AFG2A: variants seen among roughly 807,000 people sequenced by gnomAD.
AFG2A encodes AAA ATPase AFG2A.
chr4:123,017,414 A>ATTTTTTTTTTTTTTTTT, the AFG2A span, among the ~76,000 whole-genome samples: 8 of 74,718 alleles, frequency 1.1e-4, 1 homozygote, highest in African/African-American at 2.1e-4. Context: ...AGCATGGGAA[A>ATTTTTTTTTTTTTTTTT]TTTTTTTTTT....
At chr4:123,028,348 G>A in the AFG2A span, 1 of 1,614,132 alleles carries the variant, frequency 6.2e-7, no homozygotes, top group Middle Eastern at 1.6e-4. Context: ...AACAATGATA[G>A]CAAAGGCTTT....
the AFG2A span, among the ~76,000 whole-genome samples, chr4:123,230,818 T>A: frequency 2.0e-5 from 3 of 152,002 alleles, no homozygotes; most frequent in African/African-American, 7.2e-5. Context: ...TAACAAGGCT[T>A]GAAAACAACA....
At chr4:122,953,983 T>C in the AFG2A span, among the ~76,000 whole-genome samples, 8 of 152,208 alleles carry the variant, frequency 5.3e-5, no homozygotes, top group Non-Finnish European at 1.2e-4. Flanking sequence ...TGAAAAGCTC[T>C]TTGTTGGACC....
At chr4:122,986,220 A>G in the AFG2A span, among the ~76,000 whole-genome samples, 1 of 152,114 alleles carries the variant, frequency 6.6e-6, no homozygotes, top group Admixed American at 6.5e-5. Flanking sequence ...AGAAAGTTCC[A>G]TGTGCTGTTG....
the AFG2A span, among the ~76,000 whole-genome samples, chr4:123,156,786 A>G: frequency 1.2e-3 from 175 of 151,550 alleles, no homozygotes; most frequent in Non-Finnish European, 2.1e-3. Context: ...AGAAAAAAAA[A>G]GAAACTCCTG....
the AFG2A span, among the ~76,000 whole-genome samples, chr4:123,009,833 T>C: frequency 6.6e-6 from 1 of 152,224 alleles, no homozygotes; most frequent in East Asian, 1.9e-4. Context: ...CCTTTAATTA[T>C]CTAATTTAAA....
chr4:123,197,749 C>T, the AFG2A span, among the ~76,000 whole-genome samples: 14 of 150,768 alleles, frequency 9.3e-5, no homozygotes, highest in Middle Eastern at 3.4e-3. Flanking sequence ...GCCTGGGTGA[C>T]GGAGTAAGAC....
the AFG2A span, among the ~76,000 whole-genome samples, chr4:123,141,322 G>A: frequency 2.0e-5 from 3 of 152,132 alleles, no homozygotes; most frequent in East Asian, 3.9e-4. Context: ...AATTAGCCAG[G>A]CATGGTGGCG....
chr4:123,196,009 T>C, the AFG2A span, among the ~76,000 whole-genome samples: 1 of 140,468 alleles, frequency 7.1e-6, no homozygotes, highest in African/African-American at 3.1e-5. Context: ...CATCCTTGTT[T>C]TTTTTTTTTT....
At chr4:122,970,464 T>TA in the AFG2A span, among the ~76,000 whole-genome samples, 2,145 of 149,660 alleles carry the variant, frequency 0.014, 55 homozygotes, top group African/African-American at 0.049. Flanking sequence ...CTAGAAAAAG[T>TA]AAAAAAAAAA....
the AFG2A span, among the ~76,000 whole-genome samples, chr4:123,003,605 G>A: frequency 6.6e-6 from 1 of 152,286 alleles, no homozygotes; most frequent in African/African-American, 2.4e-5. Flanking sequence ...CAGCAGCGCT[G>A]TCTGCAGAAC....
the AFG2A span, among the ~76,000 whole-genome samples, chr4:123,251,304 A>G: frequency 6.6e-6 from 1 of 152,204 alleles, no homozygotes; most frequent in African/African-American, 2.4e-5. Flanking sequence ...CCCAGCAAGT[A>G]AATCAATCTG....
the AFG2A span, among the ~76,000 whole-genome samples, chr4:123,207,184 C>T: frequency 2.6e-5 from 4 of 151,958 alleles, no homozygotes; most frequent in East Asian, 5.8e-4. Flanking sequence ...ATCAGTTGTT[C>T]TACGTAAAAG....
At chr4:123,123,783 TAA>T in the AFG2A span, among the ~76,000 whole-genome samples, 1 of 142,964 alleles carries the variant, frequency 7.0e-6, no homozygotes. Context: ...CCGTCTCTAC[TAA>T]AAAAAAAAAT....
the AFG2A span, among the ~76,000 whole-genome samples, chr4:123,285,564 T>C: frequency 6.6e-6 from 1 of 152,022 alleles, no homozygotes; most frequent in African/African-American, 2.4e-5. Context: ...AGTGTGGGAG[T>C]GTGCACTCCC....
At chr4:123,024,279 G>A in the AFG2A span, among the ~76,000 whole-genome samples, 5 of 133,670 alleles carry the variant, frequency 3.7e-5, no homozygotes, top group African/African-American at 7.9e-5. Flanking sequence ...GTGGCACAAC[G>A]GGTGATGATA....
chr4:123,243,633 A>G, the AFG2A span, among the ~76,000 whole-genome samples: 4 of 152,178 alleles, frequency 2.6e-5, no homozygotes, highest in African/African-American at 9.6e-5. Flanking sequence ...GCATTAGGAG[A>G]CATACCTAAT....
the AFG2A span, among the ~76,000 whole-genome samples, chr4:122,966,298 A>G: frequency 6.6e-6 from 1 of 152,232 alleles, no homozygotes; most frequent in African/African-American, 2.4e-5. Context: ...AAACTTACCT[A>G]TTGTTCTTTT....
At chr4:123,156,767 A>G in the AFG2A span, among the ~76,000 whole-genome samples, 2 of 151,230 alleles carry the variant, frequency 1.3e-5, no homozygotes, top group African/African-American at 4.8e-5. Flanking sequence ...ATTAAAAAAA[A>G]AAAAAAAAAG....
Sources: gnomAD v4.1 joint callset for allele counts (sites outside exome capture counted in the v4.1 genomes callset) on GRCh38, gnomAD v4.1.1 for gene constraint, MANE v1.5 for transcripts, NCBI Gene and HGNC (gene_info 2026-07-23, HGNC 2026-07-21) for gene names.